The following IMMP2L variants were observed in gnomAD, a reference collection of about 807,000 sequenced individuals.
IMMP2L encodes the protein mitochondrial inner membrane protease subunit 2.
In IMMP2L, 18 loss-of-function variants were observed where a neutral mutation model predicts 19.3. The observed-to-expected ratio is 0.93, with a 90% CI of 0.64 to 1.38. The LOEUF (loss-of-function observed/expected upper bound fraction) is 1.38, where lower values mean the gene tolerates loss of function less well. Ranked by LOEUF, IMMP2L falls within the 40% of genes most tolerant of loss-of-function variation. The pLI is 0.00. For synonymous variants in IMMP2L, 76 were observed against 73.0 expected (o/e 1.04, Z -0.21); for missense variants, 233 against 218.2 (o/e 1.07, Z -0.43).
intron 5 of IMMP2L, among the ~76,000 whole-genome samples, chr7:110,695,240 G>A (rs1032794686): frequency 6.6e-6 from 1 of 152,144 alleles, no homozygotes; most frequent in African/African-American, 2.4e-5. Flanking sequence ...TGCCCAGGCT[G>A]TAGTACAGTG....
At chr7:110,957,381 A>G (rs1407597380) in intron 4 of IMMP2L, among the ~76,000 whole-genome samples, 1 of 152,044 alleles carries the variant, frequency 6.6e-6, no homozygotes, top group East Asian at 1.9e-4. Flanking sequence ...CATGCATGTC[A>G]TAAACAAGGA....
intron 3 of IMMP2L, among the ~76,000 whole-genome samples, chr7:111,218,701 G>GT (rs1562938795): frequency 6.6e-6 from 1 of 152,060 alleles, no homozygotes; most frequent in South Asian, 2.1e-4. Context: ...TAAAATAGTT[G>GT]TTTTTTCTGA....
chr7:111,522,092 C>T (rs1018017620), intron 1 of IMMP2L, among the ~76,000 whole-genome samples: 20 of 151,986 alleles, frequency 1.3e-4, no homozygotes, highest in Non-Finnish European at 1.5e-5. Flanking sequence ...ATCCTAGGTC[C>T]GCAACACCAT....
intron 3 of IMMP2L, among the ~76,000 whole-genome samples, chr7:111,127,436 AT>A (rs1418786296): frequency 2.0e-5 from 3 of 152,208 alleles, no homozygotes; most frequent in African/African-American, 7.2e-5. Context: ...TTGTTAAGAA[AT>A]ATGCATTCTG....
chr7:110,822,804 C>T (rs1387861989), intron 5 of IMMP2L, among the ~76,000 whole-genome samples: 2 of 152,088 alleles, frequency 1.3e-5, no homozygotes, highest in East Asian at 1.9e-4. Context: ...TATGCCCTTC[C>T]TATTTCAAAA....
chr7:110,690,384 T>C (rs940932286), intron 5 of IMMP2L, among the ~76,000 whole-genome samples: 1 of 152,194 alleles, frequency 6.6e-6, no homozygotes, highest in Non-Finnish European at 1.5e-5. Flanking sequence ...CCTCCACATT[T>C]CCTTTAATGT....
At chr7:110,773,912 A>T (rs958196974) in intron 5 of IMMP2L, among the ~76,000 whole-genome samples, 7 of 151,502 alleles carry the variant, frequency 4.6e-5, no homozygotes, top group Middle Eastern at 6.8e-3. Context: ...GGTAAAATAA[A>T]AAAAAAAAAA....
At chr7:111,191,615 T>G (rs575762604) in intron 3 of IMMP2L, among the ~76,000 whole-genome samples, 1 of 152,088 alleles carries the variant, frequency 6.6e-6, no homozygotes, top group Non-Finnish European at 1.5e-5. Flanking sequence ...GACAGGTCAG[T>G]AGTAGCACAA....
chr7:111,537,132 T>G (rs1452910400), intron 1 of IMMP2L, among the ~76,000 whole-genome samples: 1 of 152,196 alleles, frequency 6.6e-6, no homozygotes, highest in African/African-American at 2.4e-5. Context: ...CGTTTCTGTA[T>G]AGTATCTATA....
At chr7:110,839,906 C>T (rs1163686537) in intron 5 of IMMP2L, among the ~76,000 whole-genome samples, 2 of 152,040 alleles carry the variant, frequency 1.3e-5, no homozygotes. Flanking sequence ...CACATCCCTC[C>T]CTCCCATGGT....
chr7:111,456,205 T>A (rs576464521), intron 3 of IMMP2L, among the ~76,000 whole-genome samples: 1 of 152,000 alleles, frequency 6.6e-6, no homozygotes, highest in African/African-American at 2.4e-5. Context: ...GGTTATTCAA[T>A]CTCTTGTTTA....
intron 3 of IMMP2L, among the ~76,000 whole-genome samples, chr7:111,485,172 G>T (rs1346328028): frequency 6.6e-6 from 1 of 152,014 alleles, no homozygotes; most frequent in African/African-American, 2.4e-5. Flanking sequence ...ATTGCTTCAC[G>T]ATCATCTGTT....
intron 3 of IMMP2L, among the ~76,000 whole-genome samples, chr7:110,969,625 G>A (rs1046454151): frequency 1.3e-5 from 2 of 152,060 alleles, no homozygotes; most frequent in African/African-American, 4.8e-5. Context: ...CATGGGAAAG[G>A]AAACCTCAGG....
chr7:110,712,971 T>G (rs1794992532), intron 5 of IMMP2L, among the ~76,000 whole-genome samples: 1 of 151,754 alleles, frequency 6.6e-6, no homozygotes, highest in Admixed American at 6.6e-5. Flanking sequence ...ACCCGTCTTC[T>G]GCGTCACTCA....
intron 5 of IMMP2L, among the ~76,000 whole-genome samples, chr7:110,831,251 T>C (rs1695011655): frequency 1.3e-5 from 2 of 152,122 alleles, no homozygotes; most frequent in Admixed American, 1.3e-4. Flanking sequence ...TCTGCCTCCA[T>C]CTTCAACAGC....
At chr7:111,457,880 TA>T (rs1839807286) in intron 3 of IMMP2L, among the ~76,000 whole-genome samples, 2 of 144,214 alleles carry the variant, frequency 1.4e-5, no homozygotes, top group East Asian at 4.0e-4. Context: ...CTCCAAGATA[TA>T]CATTATTTTT....
At chr7:111,095,253 G>T (rs931779921) in intron 3 of IMMP2L, among the ~76,000 whole-genome samples, 3 of 151,784 alleles carry the variant, frequency 2.0e-5, no homozygotes, top group African/African-American at 7.3e-5. Flanking sequence ...AGGCTGAAAG[G>T]GTTTGAAATC....
intron 3 of IMMP2L, among the ~76,000 whole-genome samples, chr7:111,054,058 G>A (rs1793260743): frequency 6.6e-6 from 1 of 151,900 alleles, no homozygotes; most frequent in Non-Finnish European, 1.5e-5. Context: ...AAAAAAAATG[G>A]GTCACTAGGG....
At chr7:110,739,617 G>T (rs1227945758) in intron 5 of IMMP2L, among the ~76,000 whole-genome samples, 1 of 152,100 alleles carries the variant, frequency 6.6e-6, no homozygotes, top group Non-Finnish European at 1.5e-5. Context: ...AATTGTGGGG[G>T]TCTTTAATAC....
Sources: gnomAD v4.1 joint callset for allele counts (sites outside exome capture counted in the v4.1 genomes callset) on GRCh38, gnomAD v4.1.1 for gene constraint, MANE v1.5 for transcripts, NCBI Gene and HGNC (gene_info 2026-07-23, HGNC 2026-07-21) for gene names.